The following RYR3 variants were observed in gnomAD, a reference collection of about 807,000 sequenced individuals.
RYR3 encodes brain ryanodine receptor-calcium release channel.
In RYR3, 207 loss-of-function variants were observed where a neutral mutation model predicts 584.3. The ratio of observed to expected loss-of-function variants is 0.35; its 90% CI spans 0.32 to 0.40. The LOEUF (loss-of-function observed/expected upper bound fraction) is 0.40, where lower values mean the gene tolerates loss of function less well. RYR3 is among the 10% of genes least tolerant of loss of function. The probability of loss-of-function intolerance (pLI) is 1.00; values close to 1 mark genes in which losing one functional copy is unlikely to be tolerated. For synonymous variants in RYR3, 2,416 were observed against 2,248.5 expected, an observed-to-expected ratio of 1.07 and a Z score of -2.11; for missense variants, 5,616 against 6,089.2, an observed-to-expected ratio of 0.92 and a Z score of 2.59.
At chr15:33,533,042 A>G (rs965825048) in intron 4 of RYR3, among the ~76,000 whole-genome samples, 4 of 152,216 alleles carry the variant, frequency 2.6e-5, no homozygotes, top group African/African-American at 9.6e-5. Flanking sequence ...GCTTGAGCCC[A>G]GGAGTCTGAG....
chr15:33,766,118 T>TA (rs201118656), intron 60 of RYR3, among the ~76,000 whole-genome samples: 3,561 of 151,460 alleles, frequency 0.024, 143 homozygotes, highest in African/African-American at 0.08. Context: ...CTGTCTCTAC[T>TA]AAAAAAACAA....
intron 83 of RYR3, 149 bp downstream of exon 83, chr15:33,826,418 C>T (rs1366804507): frequency 2.8e-5 from 24 of 857,916 alleles, no homozygotes; most frequent in Non-Finnish European, 4.3e-5. Flanking sequence ...AAGTGTCTTC[C>T]ATCTGTAAAG....
chr15:33,364,758 C>T (rs1048508324), intron 1 of RYR3, among the ~76,000 whole-genome samples: 17 of 152,086 alleles, frequency 1.1e-4, no homozygotes, highest in Non-Finnish European at 1.9e-4. Context: ...TTCTATCTAA[C>T]GTTCATCAAA....
chr15:33,805,427 C>A (rs940378592), intron 69 of RYR3, among the ~76,000 whole-genome samples: 3 of 151,212 alleles, frequency 2.0e-5, no homozygotes, highest in Admixed American at 1.3e-4. Context: ...TTTTCTTGCT[C>A]ATTCTCCCTC....
At chr15:33,701,387 G>A (rs375921741) in intron 42 of RYR3, among the ~76,000 whole-genome samples, 4 of 152,116 alleles carry the variant, frequency 2.6e-5, no homozygotes, top group Admixed American at 6.5e-5. Flanking sequence ...AAAGTTCTGC[G>A]TAATTTACAG....
At chr15:33,632,840 C>A in intron 23 of RYR3, 109 bp from the exon 24 acceptor site, 1 of 895,204 alleles carries the variant, frequency 1.1e-6, no homozygotes, top group Non-Finnish European at 1.7e-6. Flanking sequence ...GGACCTGTGA[C>A]TGTAGCCTTA....
chr15:33,357,074 T>C (rs756398132), intron 1 of RYR3, among the ~76,000 whole-genome samples: 8 of 152,152 alleles, frequency 5.3e-5, no homozygotes, highest in Non-Finnish European at 1.0e-4. Context: ...CCTGCCTGTA[T>C]GCCACCTCTG....
At chr15:33,316,185 G>A (rs549706824) in intron 1 of RYR3, among the ~76,000 whole-genome samples, 3 of 152,030 alleles carry the variant, frequency 2.0e-5, no homozygotes, top group Non-Finnish European at 4.4e-5. Flanking sequence ...TATTTTTGAA[G>A]GATTTGTATT....
intron 67 of RYR3, among the ~76,000 whole-genome samples, chr15:33,799,815 A>G (rs2075824878): frequency 6.6e-6 from 1 of 152,174 alleles, no homozygotes; most frequent in Admixed American, 6.5e-5. Flanking sequence ...CCAGGTAGTT[A>G]GTGTCATATT....
chr15:33,596,605 T>C (rs912953721), intron 16 of RYR3, among the ~76,000 whole-genome samples: 1 of 152,118 alleles, frequency 6.6e-6, no homozygotes, highest in African/African-American at 2.4e-5. Flanking sequence ...ATAATATACA[T>C]GGTAATCAGA....
At chr15:33,432,657 C>T (rs112982732) in intron 1 of RYR3, among the ~76,000 whole-genome samples, 10 of 98,470 alleles carry the variant, frequency 1.0e-4, no homozygotes, top group African/African-American at 4.8e-4. Context: ...CCCACGACCA[C>T]GCCTAGCTAA....
rs16957856 is a variant in RYR3 at position 33,722,918 on chromosome 15, C to A, written c.6800+23C>A. 3,642 of 1,539,100 alleles carry A rather than the reference C, an allele frequency of 2.4e-3. 78 individuals carry two copies. In the African/African-American group the frequency reaches 0.046, roughly 19 times the overall value. On this transcript the variant is annotated intron_variant, in intron 44 of 103. Transcript: ENST00000634891. ...AGTGTAAGTGAATGGAATTCCCTTCCGGCACAGATACGGTTGGTGAGCTCT... is the reference window on the plus strand; with the variant it reads ...AGTGTAAGTGAATGGAATTCCCTTCAGGCACAGATACGGTTGGTGAGCTCT...
At chr15:33,385,119 C>G (rs2041493772) in intron 1 of RYR3, among the ~76,000 whole-genome samples, 2 of 152,152 alleles carry the variant, frequency 1.3e-5, no homozygotes, top group Admixed American at 1.3e-4. Context: ...CCTTATTCCT[C>G]TACTTTTTCA....
At chr15:33,863,012 G>A (rs1222081715) in intron 102 of RYR3, among the ~76,000 whole-genome samples, 2 of 152,208 alleles carry the variant, frequency 1.3e-5, no homozygotes, top group East Asian at 3.8e-4. Context: ...TCTTAATGGA[G>A]GTTAATGAGC....
At chr15:33,818,389 C>T (rs2076930947) in intron 75 of RYR3, among the ~76,000 whole-genome samples, 189 bp from the exon 76 acceptor site, 1 of 152,152 alleles carries the variant, frequency 6.6e-6, no homozygotes, top group African/African-American at 2.4e-5. Context: ...AACATATATA[C>T]ACATGTATCT....
At chr15:33,576,890 T>G (rs2058327174) in intron 12 of RYR3, among the ~76,000 whole-genome samples, 1 of 152,130 alleles carries the variant, frequency 6.6e-6, no homozygotes, top group Admixed American at 6.5e-5. Context: ...TCCAAAAGCT[T>G]CTTAAGCTGA....
intron 67 of RYR3, among the ~76,000 whole-genome samples, chr15:33,789,624 TTA>T (rs1567174689): frequency 0.026 from 300 of 11,688 alleles, 6 homozygotes; most frequent in African/African-American, 0.051. Context: ...AGGTTTTATT[TTA>T]TATATATATA....
At chr15:33,326,070 C>T (rs1969659283) in intron 1 of RYR3, among the ~76,000 whole-genome samples, 2 of 152,172 alleles carry the variant, frequency 1.3e-5, no homozygotes. Context: ...TCCCAAAGTG[C>T]TGGGATTACA....
At chr15:33,464,479 T>G (rs1596258153) in intron 1 of RYR3, among the ~76,000 whole-genome samples, 1 of 88,128 alleles carries the variant, frequency 1.1e-5, no homozygotes, top group Non-Finnish European at 2.1e-5. Context: ...TATATATATA[T>G]ATATATATAT....
Sources: gnomAD v4.1 joint callset for allele counts (sites outside exome capture counted in the v4.1 genomes callset) on GRCh38, gnomAD v4.1.1 for gene constraint, MANE v1.5 for transcripts, NCBI Gene and HGNC (gene_info 2026-07-23, HGNC 2026-07-21) for gene names.